Variants in SLC7A7 observed in about 807,000 individuals in gnomAD.
SLC7A7 encodes Y+L amino acid transporter 1.
In SLC7A7, 39 loss-of-function variants were observed where a neutral mutation model predicts 47.9. The observed-to-expected ratio is 0.81, with a 90% CI of 0.63 to 1.06. The LOEUF (loss-of-function observed/expected upper bound fraction) is 1.06, where lower values mean the gene tolerates loss of function less well. SLC7A7 is among the 50% of genes least tolerant of loss of function. The pLI is 0.00. For synonymous variants in SLC7A7, 234 were observed against 242.8 expected (o/e 0.96, Z 0.34); for missense variants, 588 against 632.0 (o/e 0.93, Z 0.75).
intron 2 of SLC7A7, among the ~76,000 whole-genome samples, chr14:22,783,694 G>A (rs980469386): frequency 5.9e-5 from 9 of 151,716 alleles, no homozygotes; most frequent in African/African-American, 2.4e-5. Context: ...AGTCACCGGC[G>A]TGGCGTGCCC....
At chr14:22,817,406 C>T (rs2039422068), upstream of SLC7A7, 1 of 161,760 alleles carries the variant, frequency 6.2e-6, no homozygotes, top group Non-Finnish European at 1.4e-5. Flanking sequence ...GTGGTGCAAT[C>T]TCGGCTCACT....
intron 2 of SLC7A7, among the ~76,000 whole-genome samples, chr14:22,794,318 C>G (rs2139424921): frequency 6.6e-6 from 1 of 152,318 alleles, no homozygotes; most frequent in South Asian, 2.1e-4. Context: ...GTCACTGGAT[C>G]AGAGTCCTCC....
chr14:22,779,888 C>G (rs772513037), intron 3 of SLC7A7, 38 bp downstream of exon 3: 2 of 1,604,658 alleles, frequency 1.2e-6, no homozygotes, highest in Non-Finnish European at 1.7e-6. Flanking sequence ...ACAGAAAATG[C>G]TTAAAAAAGA....
rs2139395072 is a variant in SLC7A7 at position 22,778,921 on chromosome 14, A to G, written c.642T>C (p.Phe214=). Residue 214 remains phenylalanine, a synonymous_variant, in exon 4 of 10, where the codon TTT becomes TTC. Coordinates refer to ENST00000674313, the MANE Select transcript of SLC7A7 (RefSeq NM_003982.4). ...ATGATGAACCCTCAAAGGAATTCTC[A>G]AAATGAGTAGAGGCTCCTGGAACCC... ...VRLGQGASTH[F]ENSFEGSSFA... The G allele has an allele frequency of 6.2e-7, 1 of 1,614,054 alleles. No individual in the cohort carries two copies. Among genetic ancestry groups the G allele is most frequent in the Admixed American group, 1.7e-5 (1 of 60,016 alleles).
In SLC7A7 at chr14:22,775,932, A is replaced by G; in HGVS notation, c.899T>C (p.Phe300Ser). ...AAATATTCCAAATATCTGATCTGCA[A>G]AAGTCTAAGGGAAAAGAATGGAAGA... ...ILASDAVAVT[F>S]ADQIFGIFNW... The change falls in exon 6 of 10, where the codon TTT becomes TCT. Residue 300 changes from phenylalanine to serine, a missense_variant. Phe to Ser is a radical substitution (Grantham distance 155). Transcript: ENST00000674313. The G allele has an allele frequency of 6.2e-7, 1 of 1,611,490 alleles. No individual in the cohort carries two copies. The highest frequency in any genetic ancestry group is 8.5e-7 in the Non-Finnish European group (1 of 1,177,522).
chr14:22,803,426 A>G (rs551847591), intron 2 of SLC7A7, among the ~76,000 whole-genome samples: 1 of 152,334 alleles, frequency 6.6e-6, no homozygotes, highest in African/African-American at 2.4e-5. Context: ...TCAAAAAAAA[A>G]GAAAAAGAAA....
chr14:22,808,755 T>C (rs1272391456), intron 2 of SLC7A7, among the ~76,000 whole-genome samples: 3 of 152,250 alleles, frequency 2.0e-5, no homozygotes, highest in Admixed American at 6.5e-5. Context: ...TTTAGATCTC[T>C]ATGCTCCTCT....
intron 2 of SLC7A7, among the ~76,000 whole-genome samples, chr14:22,782,401 C>T (rs1594951595): frequency 7.1e-6 from 1 of 141,302 alleles, no homozygotes; most frequent in African/African-American, 2.8e-5. Flanking sequence ...CCGCGCCCGG[C>T]CTATATTTTA....
In SLC7A7 at chr14:22,773,652, A is replaced by G. The variant is rs765682604; in HGVS notation, c.1494T>C (p.Asp498=). 15 of 1,614,124 alleles carry G rather than the reference A, an allele frequency of 9.3e-6. 1 individual carries two copies. The South Asian group carries it at 1.3e-4, about 14-fold the overall frequency. ...MSVAAEMDLE[D]GGEMPKQRDP... ...CCCGTTGCTTGGGCATCTCTCCTCC[A>G]TCTTCCAAATCCATTTCTGCAGCAA... Residue 498 remains aspartate (D), a synonymous_variant, in exon 10 of 10, where the codon GAT becomes GAC. Transcript: ENST00000674313.
chr14:22,815,242 G>A (rs1007097422), intron 1 of SLC7A7, 78 bp downstream of exon 1: 14 of 402,432 alleles, frequency 3.5e-5, no homozygotes, highest in Non-Finnish European at 6.5e-5. Context: ...GAGAAGAAGC[G>A]ATTAGACACT....
intron 2 of SLC7A7, among the ~76,000 whole-genome samples, chr14:22,783,100 A>C (rs1594952299): frequency 6.6e-6 from 1 of 151,458 alleles, no homozygotes; most frequent in East Asian, 2.0e-4. Context: ...CACCTGGCTA[A>C]TTTTTGTATT....
At chr14:22,791,267 C>T (rs1278993031) in intron 2 of SLC7A7, among the ~76,000 whole-genome samples, 1 of 152,154 alleles carries the variant, frequency 6.6e-6, no homozygotes, top group Admixed American at 6.5e-5. Flanking sequence ...CCTCCTCTAT[C>T]CCTTACCAGG....
At chr14:22,786,557 C>G (rs2038821124) in intron 2 of SLC7A7, among the ~76,000 whole-genome samples, 1 of 152,254 alleles carries the variant, frequency 6.6e-6, no homozygotes, top group Non-Finnish European at 1.5e-5. Flanking sequence ...GAGTCTCAAC[C>G]TGAAATCATT....
At chr14:22,788,343 T>A (rs1358265066) in intron 2 of SLC7A7, among the ~76,000 whole-genome samples, 1 of 152,154 alleles carries the variant, frequency 6.6e-6, no homozygotes, top group Non-Finnish European at 1.5e-5. Context: ...TTATGTAGAA[T>A]ATTCATAGTT....
chr14:22,775,214 C>G (rs1413225398), intron 7 of SLC7A7, among the ~76,000 whole-genome samples: 2 of 147,154 alleles, frequency 1.4e-5, no homozygotes, highest in African/African-American at 2.4e-5. Context: ...ACAGTGTATT[C>G]CATGTACTTT....
At chr14:22,812,746 T>G (rs921232110) in intron 2 of SLC7A7, among the ~76,000 whole-genome samples, 154 bp downstream of exon 2, 17 of 147,466 alleles carry the variant, frequency 1.2e-4, no homozygotes, top group Admixed American at 4.1e-4. Flanking sequence ...TGGTACTGTT[T>G]GAATTTTCAC....
intron 2 of SLC7A7, among the ~76,000 whole-genome samples, chr14:22,781,101 A>G (rs1184346921): frequency 6.6e-6 from 1 of 152,288 alleles, no homozygotes; most frequent in East Asian, 1.9e-4. Flanking sequence ...CAACTGGAAC[A>G]CTATAAGGAG....
At chr14:22,810,039 C>CAAAAAAAAA (rs34386018) in intron 2 of SLC7A7, among the ~76,000 whole-genome samples, 2 of 60,692 alleles carry the variant, frequency 3.3e-5, no homozygotes, top group African/African-American at 7.4e-5. Context: ...AACACTGTCT[C>CAAAAAAAAA]AAAAAAAAAA....
At chr14:22,815,482 G>C (rs2039393106), upstream of SLC7A7, 1 of 454,410 alleles carries the variant, frequency 2.2e-6, no homozygotes, top group African/African-American at 2.0e-5. Context: ...GGTGGAGGAG[G>C]TGAGGCAGCC....
Sources: allele counts gnomAD v4.1 joint callset (sites outside exome capture counted in the v4.1 genomes callset), GRCh38; gene constraint gnomAD v4.1.1; transcripts MANE v1.5; gene names NCBI Gene and HGNC (gene_info 2026-07-23, HGNC 2026-07-21).